Variants in COL13A1 observed in about 807,000 individuals in gnomAD.
The protein encoded by COL13A1 is collagen alpha-1(XIII) chain.
COL13A1 carries 89 observed loss-of-function variants against 130.9 expected under a neutral mutation model. The observed-to-expected ratio is 0.68, with a 90% CI of 0.57 to 0.81. The LOEUF (loss-of-function observed/expected upper bound fraction) is 0.81, where lower values mean the gene tolerates loss of function less well. COL13A1 is among the 30% of genes least tolerant of loss of function. The pLI is 0.00. For synonymous variants in COL13A1, 402 were observed against 341.6 expected, an observed-to-expected ratio of 1.18 and a Z score of -1.95; for missense variants, 879 against 934.6, an observed-to-expected ratio of 0.94 and a Z score of 0.78.
intron 10 of COL13A1, among the ~76,000 whole-genome samples, chr10:69,893,522 C>T (rs1256255866): frequency 1.3e-5 from 2 of 152,226 alleles, no homozygotes; most frequent in Non-Finnish European, 2.9e-5. Flanking sequence ...TGGCACATCA[C>T]AGCATGCTGC....
intron 2 of COL13A1, among the ~76,000 whole-genome samples, chr10:69,850,927 A>G (rs908787978): frequency 6.6e-6 from 1 of 152,234 alleles, no homozygotes; most frequent in Non-Finnish European, 1.5e-5. Context: ...GAGGACTGAC[A>G]TCTGAGAGCT....
chr10:69,809,726 C>T (rs533778707), intron 1 of COL13A1, among the ~76,000 whole-genome samples: 1 of 152,384 alleles, frequency 6.6e-6, no homozygotes, highest in East Asian at 1.9e-4. Context: ...GCAGTGTTTA[C>T]TGAACTGCCT....
intron 22 of COL13A1, 96 bp from the exon 23 acceptor site, chr10:69,922,612 C>A: frequency 1.3e-6 from 1 of 784,870 alleles, no homozygotes; most frequent in Non-Finnish European, 1.9e-6. Flanking sequence ...CCCTGGTCCC[C>A]AGACATCCTG....
intron 17 of COL13A1, among the ~76,000 whole-genome samples, chr10:69,907,645 C>T (rs1483314303): frequency 6.6e-6 from 1 of 151,582 alleles, no homozygotes; most frequent in Non-Finnish European, 1.5e-5. Flanking sequence ...ATAACTAACC[C>T]ACTCTCATGA....
intron 1 of COL13A1, among the ~76,000 whole-genome samples, chr10:69,809,542 A>T (rs980418605): frequency 1.5e-4 from 23 of 152,394 alleles, no homozygotes; most frequent in South Asian, 4.1e-4. Context: ...ATGGTCACAC[A>T]GTAAGTGAGT....
intron 3 of COL13A1, among the ~76,000 whole-genome samples, chr10:69,870,479 A>AT (rs1391205232): frequency 4.0e-5 from 2 of 50,534 alleles, no homozygotes; most frequent in East Asian, 1.5e-3. Context: ...CACCTGGCTA[A>AT]TTTTTTTAAT....
At chr10:69,928,863 C>A in intron 27 of COL13A1, 74 bp from the exon 28 acceptor site, 2 of 1,107,484 alleles carry the variant, frequency 1.8e-6, no homozygotes, top group Non-Finnish European at 2.7e-6. Context: ...CCAGCCTCCA[C>A]ATATAGCCCT....
chr10:69,958,216 C>A (rs1319871180), intron 40 of COL13A1, among the ~76,000 whole-genome samples: 2 of 152,210 alleles, frequency 1.3e-5, no homozygotes, highest in African/African-American at 4.8e-5. Context: ...GCCACAAAAG[C>A]AGGTCAGAGG....
chr10:69,901,565 C>T (rs1457547230), intron 14 of COL13A1, among the ~76,000 whole-genome samples: 1 of 152,192 alleles, frequency 6.6e-6, no homozygotes, highest in East Asian at 1.9e-4. Flanking sequence ...CAGCCGCCTG[C>T]ATCCCCCAGC....
intron 3 of COL13A1, among the ~76,000 whole-genome samples, chr10:69,868,549 G>A (rs2058755455): frequency 6.6e-6 from 1 of 152,180 alleles, no homozygotes; most frequent in African/African-American, 2.4e-5. Context: ...AAGACCAGAG[G>A]GCGCTGGGGG....
At chr10:69,954,916 C>A (rs1003935008) in intron 39 of COL13A1, 6 of 152,278 alleles carry the variant, frequency 3.9e-5, no homozygotes, top group African/African-American at 1.4e-4. Context: ...TCCCGCCTGC[C>A]CAGTCCCTCT....
intron 2 of COL13A1, among the ~76,000 whole-genome samples, chr10:69,861,827 T>C (rs1297091916): frequency 6.6e-6 from 1 of 152,192 alleles, no homozygotes; most frequent in African/African-American, 2.4e-5. Flanking sequence ...TAGGTGTGTG[T>C]GATTTAAACT....
intron 15 of COL13A1, among the ~76,000 whole-genome samples, chr10:69,903,530 A>G (rs947103164): frequency 1.1e-4 from 16 of 152,202 alleles, no homozygotes; most frequent in Non-Finnish European, 2.2e-4. Flanking sequence ...CAATTTATAC[A>G]ACAAAGCCCC....
rs1398023135 is a variant in COL13A1 at position 69,802,606 on chromosome 10, C to T, written c.183C>T (p.Ala61=). 6.2e-6 allele frequency: 10 copies of T among 1,612,858 alleles called. No individual in the cohort carries two copies. Among genetic ancestry groups the T allele is most frequent in the Non-Finnish European group, 8.5e-6 (10 of 1,179,476 alleles). The change falls in exon 1 of 41, where the codon GCC becomes GCT. Residue 61 remains alanine (A), a synonymous_variant. Coordinates refer to ENST00000645393, the MANE Select transcript of COL13A1 (RefSeq NM_001368882.1). ...GCTCGCTGGCACTCAGCCTGCTCGC[C>T]CACTTTCGGACGGCCGAGCTGCAGG... ...ALCSLALSLL[A]HFRTAELQAR... is the part of the protein sequence containing the mutation.
chr10:69,958,525 G>A (rs1284592653), intron 40 of COL13A1, among the ~76,000 whole-genome samples, 174 bp from the exon 41 acceptor site: 1 of 152,184 alleles, frequency 6.6e-6, no homozygotes, highest in Non-Finnish European at 1.5e-5. Flanking sequence ...CCTCCCTTCA[G>A]GGAGCTAAGG....
intron 25 of COL13A1, among the ~76,000 whole-genome samples, chr10:69,925,429 T>C (rs1018910098): frequency 6.6e-6 from 1 of 152,216 alleles, no homozygotes; most frequent in Non-Finnish European, 1.5e-5. Context: ...CAGCTGAACT[T>C]TTTTTCTTTT....
At chr10:69,939,359 A>G (rs961557415) in intron 34 of COL13A1, among the ~76,000 whole-genome samples, 3 of 152,154 alleles carry the variant, frequency 2.0e-5, no homozygotes, top group African/African-American at 7.2e-5. Context: ...AAATCTTTCC[A>G]TTTTCTAATA....
intron 15 of COL13A1, among the ~76,000 whole-genome samples, chr10:69,903,058 C>A (rs2062366752): frequency 6.6e-6 from 1 of 152,242 alleles, no homozygotes; most frequent in Non-Finnish European, 1.5e-5. Flanking sequence ...ACAACCTGGG[C>A]CATGTTCCCT....
intron 9 of COL13A1, among the ~76,000 whole-genome samples, chr10:69,888,954 C>A (rs1383617208): frequency 2.6e-5 from 4 of 152,176 alleles, no homozygotes; most frequent in Admixed American, 6.5e-5. Context: ...CGGAATGCAG[C>A]CCCACTCACA....
Sources: gnomAD v4.1 joint callset for allele counts (sites outside exome capture counted in the v4.1 genomes callset) on GRCh38, gnomAD v4.1.1 for gene constraint, MANE v1.5 for transcripts, NCBI Gene and HGNC (gene_info 2026-07-23, HGNC 2026-07-21) for gene names.